The following NLGN4X variants were observed in gnomAD, a reference collection of about 807,000 sequenced individuals.
NLGN4X encodes neuroligin 4 X-linked.
In NLGN4X, 3 loss-of-function variants were observed where a neutral mutation model predicts 40.3. That is an observed-to-expected ratio of 0.07 (90% CI 0.03 to 0.19). NLGN4X has a LOEUF of 0.19. Among genes scored for constraint, NLGN4X ranks in the 10% least tolerant of loss-of-function variants. The pLI is 1.00. For missense variants in NLGN4X, 382 were observed against 708.3 expected, an observed-to-expected ratio of 0.54 and a Z score of 5.23; for synonymous variants, 270 against 306.8, an observed-to-expected ratio of 0.88 and a Z score of 1.25.
chrX:6,090,301 A>T (rs1201189431), intron 2 of NLGN4X, among the ~76,000 whole-genome samples: 3 of 111,065 alleles, frequency 2.7e-5, no homozygotes, highest in African/African-American at 9.8e-5. Flanking sequence ...AACTATTTTC[A>T]TCTTAAGAAT....
intron 3 of NLGN4X, among the ~76,000 whole-genome samples, chrX:5,977,394 AT>A (rs965495717): frequency 5.8e-5 from 6 of 103,299 alleles, no homozygotes; most frequent in Non-Finnish European, 8.0e-5. Context: ...CTAATTTTTC[AT>A]TTTTTTTTTA....
intron 1 of NLGN4X, among the ~76,000 whole-genome samples, chrX:6,185,892 G>A (rs771398798): frequency 1.8e-5 from 2 of 111,374 alleles, no homozygotes; most frequent in Non-Finnish European, 3.8e-5. Flanking sequence ...GTTGTTGAAC[G>A]CCACTGAATC....
intron 3 of NLGN4X, among the ~76,000 whole-genome samples, chrX:5,973,767 G>A (rs2035094276): frequency 9.0e-6 from 1 of 110,866 alleles, no homozygotes; most frequent in South Asian, 3.9e-4. Flanking sequence ...AGCTTGCAGT[G>A]AGCCGAGATC....
chrX:5,936,316 C>T (rs966462540), intron 3 of NLGN4X, among the ~76,000 whole-genome samples: 2 of 110,884 alleles, frequency 1.8e-5, no homozygotes, highest in Non-Finnish European at 3.8e-5. Context: ...TGGTCAAATA[C>T]CAGATAAACA....
chrX:5,977,758 A>T (rs2035221410), intron 3 of NLGN4X, among the ~76,000 whole-genome samples: 1 of 111,404 alleles, frequency 9.0e-6, no homozygotes, highest in Non-Finnish European at 1.9e-5. Flanking sequence ...GATGTGGCTC[A>T]AAAACTGAAA....
intron 3 of NLGN4X, among the ~76,000 whole-genome samples, chrX:5,925,479 A>G (rs2033234116): frequency 9.0e-6 from 1 of 110,811 alleles, no homozygotes. Context: ...GGTTTGGGAA[A>G]GAAATAATAG....
intron 2 of NLGN4X, among the ~76,000 whole-genome samples, chrX:6,102,280 C>T (rs1362216556): frequency 9.0e-6 from 1 of 110,703 alleles, no homozygotes; most frequent in Non-Finnish European, 1.9e-5. Flanking sequence ...TACCATGTAC[C>T]CACAAAAATT....
At chrX:6,146,971 T>C (rs1426476445) in intron 2 of NLGN4X, among the ~76,000 whole-genome samples, 3 of 110,865 alleles carry the variant, frequency 2.7e-5, no homozygotes, top group African/African-American at 9.8e-5. Flanking sequence ...TTTGTATTTG[T>C]AGTAAAGACG....
intron 1 of NLGN4X, among the ~76,000 whole-genome samples, chrX:6,221,336 A>G (rs1215030659): frequency 1.0e-5 from 1 of 98,278 alleles, no homozygotes; most frequent in Admixed American, 1.1e-4. Flanking sequence ...AGATTTGGTG[A>G]ATGATGAGGA....
intron 5 of NLGN4X, among the ~76,000 whole-genome samples, chrX:5,899,247 G>A (rs746791956): frequency 2.7e-5 from 3 of 111,993 alleles, no homozygotes; most frequent in South Asian, 3.7e-4. Context: ...TCCCATGGGC[G>A]GAAGAAACAA....
At chrX:6,156,199 C>T (rs1230376839) in intron 1 of NLGN4X, among the ~76,000 whole-genome samples, 4 of 112,194 alleles carry the variant, frequency 3.6e-5, no homozygotes, top group African/African-American at 6.5e-5. Flanking sequence ...GTATATACCA[C>T]GGAATACTAT....
At chrX:5,983,472 T>C (rs1460356815) in intron 3 of NLGN4X, among the ~76,000 whole-genome samples, 3 of 111,897 alleles carry the variant, frequency 2.7e-5, no homozygotes, top group South Asian at 3.7e-4. Flanking sequence ...AATAAGAAAG[T>C]ATTAAAAATG....
chrX:5,912,824 G>C (rs2032542200), intron 3 of NLGN4X, among the ~76,000 whole-genome samples: 1 of 98,532 alleles, frequency 1.0e-5, no homozygotes, highest in East Asian at 3.3e-4. Flanking sequence ...TGATGTGATG[G>C]AGCAGGGAGA....
chrX:6,174,471 C>T (rs1171387624), intron 1 of NLGN4X, among the ~76,000 whole-genome samples: 2 of 111,711 alleles, frequency 1.8e-5, no homozygotes, highest in African/African-American at 3.3e-5. Flanking sequence ...ACAAAAAAGA[C>T]GCATGCATTT....
intron 3 of NLGN4X, among the ~76,000 whole-genome samples, chrX:6,001,510 G>A (rs1346769529): frequency 1.8e-5 from 2 of 111,985 alleles, no homozygotes; most frequent in Admixed American, 1.9e-4. Flanking sequence ...ATTGTTGGAA[G>A]AAAATTTTTC....
rs145327824 is a variant in NLGN4X at position 6,150,071 on chromosome X, T to G, written c.472+924A>C. On this transcript the variant is annotated intron_variant, in intron 2 of 5. Coordinates refer to ENST00000381095, the MANE Select transcript of NLGN4X (RefSeq NM_181332.3). ...CACTCTAGTTTCTACATTAGATACA[T>G]CTATCATTCCCACAAATTAACTTCC... Among the ~76,000 whole-genome samples the G allele has an allele frequency of 6.9e-4, 77 of 111,545 alleles. 1 individual carries two copies. Among genetic ancestry groups the G allele is most frequent in the African/African-American group, 2.1e-3 (65 of 30,788 alleles).
chrX:5,906,897 C>T (rs966853788), intron 4 of NLGN4X, among the ~76,000 whole-genome samples: 2 of 110,681 alleles, frequency 1.8e-5, no homozygotes, highest in Non-Finnish European at 3.8e-5. Context: ...CTGGCCAACA[C>T]GGTGAAAGCC....
At chrX:6,058,873 T>C (rs955670302) in intron 2 of NLGN4X, among the ~76,000 whole-genome samples, 2 of 112,048 alleles carry the variant, frequency 1.8e-5, no homozygotes, top group African/African-American at 6.5e-5. Flanking sequence ...TTTAATATGA[T>C]GGATGTGTTT....
intron 1 of NLGN4X, chrX:6,227,613 C>T (rs1033089701): frequency 9.0e-6 from 1 of 110,913 alleles, no homozygotes; most frequent in African/African-American, 3.3e-5. Context: ...CCTTCCCACC[C>T]GCCTCGAAAC....
Sources: allele counts gnomAD v4.1 joint callset (sites outside exome capture counted in the v4.1 genomes callset), GRCh38; gene constraint gnomAD v4.1.1; transcripts MANE v1.5; gene names NCBI Gene and HGNC (gene_info 2026-07-23, HGNC 2026-07-21).